The following HAUS4 variants were observed in gnomAD, a reference collection of about 807,000 sequenced individuals.
HAUS4 encodes the protein HAUS augmin like complex subunit 4.
HAUS4 carries 34 observed loss-of-function variants against 50.6 expected under a neutral mutation model. That is an observed-to-expected ratio of 0.67 (90% CI 0.51 to 0.90). HAUS4 has a LOEUF of 0.90. Ranked by LOEUF, HAUS4 falls within the 40% of genes least tolerant of loss-of-function variation. The probability of loss-of-function intolerance (pLI) is 0.00; values close to 1 mark genes in which losing one functional copy is unlikely to be tolerated. For missense variants in HAUS4, 370 were observed against 428.7 expected, an observed-to-expected ratio of 0.86 and a Z score of 1.21; for synonymous variants, 149 against 161.4, an observed-to-expected ratio of 0.92 and a Z score of 0.58.
At position 22,952,390 on chromosome 14, in the gene HAUS4, C is replaced by G; in HGVS notation, c.268G>C (p.Glu90Gln). The G allele has an allele frequency of 6.2e-7, 1 of 1,614,086 alleles. No homozygotes were observed. The highest frequency in any genetic ancestry group is 8.5e-7 in the Non-Finnish European group (1 of 1,179,928). Residue 90 changes from glutamate (E) to glutamine (Q), a missense_variant, in exon 4 of 10, where the codon GAG becomes CAG. Glu to Gln is a conservative substitution (Grantham distance 29). Coordinates refer to ENST00000541587, the MANE Select transcript of HAUS4 (RefSeq NM_001166269.2). ...TTCACATAGTAGTCCACAAGCAACT[C>G]TTGAATGACTCTGTGTAAAATCTCA... Reference protein sequence around the residue: ...RSEILHRVIQELLVDYYVKIQ... With the variant: ...RSEILHRVIQQLLVDYYVKIQ...
chr14:22,948,365 A>T (rs1009551325), intron 6 of HAUS4: 3 of 162,946 alleles, frequency 1.8e-5, no homozygotes, highest in Non-Finnish European at 2.6e-5. Flanking sequence ...TGAGAGGATC[A>T]CTTGAGCCCA....
In HAUS4 at chr14:22,947,153, A is replaced by ATTGCC; in HGVS notation, c.908+17_908+18insGGCAA. On this transcript the variant is annotated intron_variant, in intron 9 of 9. Transcript: ENST00000541587. Reference sequence around the variant, plus strand: ...AACCACCTGTGAACAGCTGTACCAGACTCTTAGGAGTTCTCACCTAATCAG... The same window carrying ATTGCC: ...AACCACCTGTGAACAGCTGTACCAGATTGCCCTCTTAGGAGTTCTCACCTAATCAG... The ATTGCC allele has an allele frequency of 6.8e-7, 1 of 1,473,114 alleles. No individual in the cohort carries two copies. The highest frequency in any genetic ancestry group is 9.5e-7 in the Non-Finnish European group (1 of 1,051,256). The allele number at this position is 1,473,114 out of a possible 1,614,324, so 91.3% of individuals were successfully genotyped here. A position where few individuals can be genotyped will look rare whatever the true frequency, so the allele number is the denominator to read the frequency against.
chr14:22,950,529 CAG>C, intron 5 of HAUS4, 119 bp from the exon 6 acceptor site: 2 of 588,352 alleles, frequency 3.4e-6, no homozygotes, highest in Non-Finnish European at 3.1e-6. Flanking sequence ...CAAGAGACAT[CAG>C]AGAGACTCAT....
chr14:22,952,272 G>T, intron 4 of HAUS4, 56 bp downstream of exon 4: 1 of 1,429,502 alleles, frequency 7.0e-7, no homozygotes, highest in Non-Finnish European at 9.8e-7. Context: ...CCTGCCTGGG[G>T]CTCCCAAAGT....
intron 2 of HAUS4, 71 bp from the exon 3 acceptor site, chr14:22,952,754 T>C: frequency 1.6e-6 from 2 of 1,269,576 alleles, no homozygotes; most frequent in South Asian, 3.4e-5. Context: ...TAACTGAGCA[T>C]AACTTAATAC....
chr14:22,955,970 T>C (rs1239879549), intron 1 of HAUS4, among the ~76,000 whole-genome samples: 1 of 152,160 alleles, frequency 6.6e-6, no homozygotes, highest in Non-Finnish European at 1.5e-5. Flanking sequence ...TCCCTTGACA[T>C]TACTTTTCAT....
In HAUS4 at chr14:22,952,675, T is replaced by C; in HGVS notation, c.64A>G (p.Lys22Glu). ...CTCAGGTTACAAGGAGGAAGTTGTTTGCTGCACACTTAACATCATGTCCCC... is the reference window on the plus strand; with the variant it reads ...CTCAGGTTACAAGGAGGAAGTTGTTCGCTGCACACTTAACATCATGTCCCC... Reference protein sequence around the residue: ...GMEILQQVCSKQLPPCNLSKE... With the variant: ...GMEILQQVCSEQLPPCNLSKE... Residue 22 changes from lysine to glutamate, a missense_variant, in exon 3 of 10, where the codon AAA becomes GAA. Coordinates refer to ENST00000541587, the MANE Select transcript of HAUS4 (RefSeq NM_001166269.2). 6.2e-7 allele frequency: 1 copy of C among 1,600,364 alleles called. No homozygotes were observed. The highest frequency in any genetic ancestry group is 8.5e-7 in the Non-Finnish European group (1 of 1,175,800).
At chr14:22,953,394 C>T (rs1411437549) in intron 2 of HAUS4, among the ~76,000 whole-genome samples, 1 of 152,078 alleles carries the variant, frequency 6.6e-6, no homozygotes, top group Non-Finnish European at 1.5e-5. Context: ...ACCTTGGCAT[C>T]TCAAAGTGCT....
chr14:22,953,954 G>T (rs965880308), intron 2 of HAUS4, among the ~76,000 whole-genome samples: 5 of 151,866 alleles, frequency 3.3e-5, no homozygotes, highest in Admixed American at 3.3e-4. Context: ...TTTTAGTAGG[G>T]ACGGGGTTTC....
At position 22,947,595 on chromosome 14, in the gene HAUS4, G is replaced by T; in HGVS notation, c.839+6C>A. On this transcript the variant is annotated splice_donor_region_variant and intron_variant, in intron 8 of 9. Coordinates refer to ENST00000541587, the MANE Select transcript of HAUS4 (RefSeq NM_001166269.2). ...TCCCTTAAGATCCACAGGGGTCACA[G>T]CTCACCTCAGCTTAAGGATCATAGC... The T allele has an allele frequency of 1.2e-6, 2 of 1,613,980 alleles. No homozygotes were observed. The highest frequency in any genetic ancestry group is 1.7e-6 in the Non-Finnish European group (2 of 1,179,918).
chr14:22,951,506 G>A (rs1184819078), intron 5 of HAUS4, 49 bp downstream of exon 5: 1 of 1,592,832 alleles, frequency 6.3e-7, no homozygotes, highest in East Asian at 2.2e-5. Flanking sequence ...AAAGATATGG[G>A]AGAAATTAAA....
rs7160294 is a variant in HAUS4 at position 22,951,987 on chromosome 14, T to C, written c.331-298A>G. ...AAGCCACAGTTGGCCTGGTCATTCCTGTAACTGGTAACCAACCCCACCTCA... is the reference window on the plus strand; with the variant it reads ...AAGCCACAGTTGGCCTGGTCATTCCCGTAACTGGTAACCAACCCCACCTCA... On this transcript the variant is annotated intron_variant, in intron 4 of 9. Transcript: ENST00000541587. Among the ~76,000 whole-genome samples the C allele has an allele frequency of 7.4e-4, 80 of 107,698 alleles. 1 individual carries two copies. The highest frequency in any genetic ancestry group is 2.4e-3 in the African/African-American group (75 of 30,934). 70.7% of individuals were successfully genotyped at this position (107,698 alleles called of 152,430 possible).
intron 8 of HAUS4, 96 bp downstream of exon 8, chr14:22,947,505 C>T (rs1420624589): frequency 7.4e-6 from 10 of 1,344,228 alleles, no homozygotes; most frequent in African/African-American, 2.9e-5. Context: ...ACCCACAAGG[C>T]GCTAGGATAA....
chr14:22,949,300 T>C (rs1235510905), intron 6 of HAUS4, among the ~76,000 whole-genome samples: 4 of 149,312 alleles, frequency 2.7e-5, no homozygotes, highest in Non-Finnish European at 6.0e-5. Context: ...GAGGCCAAGG[T>C]GGGTAGATCA....
intron 1 of HAUS4, 76 bp from the exon 2 acceptor site, chr14:22,955,252 C>T: frequency 1.1e-6 from 1 of 890,672 alleles, no homozygotes; most frequent in Non-Finnish European, 1.9e-6. Flanking sequence ...ACCTTATGTT[C>T]AAATTTCTGC....
At position 22,946,479 on chromosome 14, in the gene HAUS4, G is replaced by C. The variant is rs1210944520; in HGVS notation, c.*46C>G. ...GTGGTCCCACTAGCAGGAAGATTAGGAGGCAGCAGCTATGCAGAAGCCATG... is the reference window on the plus strand; with the variant it reads ...GTGGTCCCACTAGCAGGAAGATTAGCAGGCAGCAGCTATGCAGAAGCCATG... On this transcript the variant is annotated 3_prime_UTR_variant, in exon 10 of 10. Transcript: ENST00000541587. 1 of 1,486,942 alleles carries C rather than the reference G, an allele frequency of 6.7e-7. No homozygotes were observed. Among genetic ancestry groups the C allele is most frequent in the East Asian group, 2.3e-5 (1 of 43,662 alleles). 92.1% of individuals were successfully genotyped at this position (1,486,942 alleles called of 1,614,324 possible).
rs1269500446 is a variant in HAUS4 at position 22,952,665 on chromosome 14, G to A, written c.74C>T (p.Pro25Leu). Residue 25 changes from proline (P) to leucine (L), a missense_variant, in exon 3 of 10, where the codon CCT becomes CTT. Transcript: ENST00000541587. ...ILQQVCSKQLPPCNLSKEDLL... is the reference protein window; with the variant it reads ...ILQQVCSKQLLPCNLSKEDLL... ...GTCCTCTTTACTCAGGTTACAAGGA[G>A]GAAGTTGTTTGCTGCACACTTAACA... The A allele has an allele frequency of 6.2e-7, 1 of 1,603,838 alleles. No individual in the cohort carries two copies. The highest frequency in any genetic ancestry group is 1.8e-5 in the Admixed American group (1 of 56,760).
At chr14:22,949,954 C>G (rs1176515103) in intron 6 of HAUS4, among the ~76,000 whole-genome samples, 1 of 151,930 alleles carries the variant, frequency 6.6e-6, no homozygotes, top group Non-Finnish European at 1.5e-5. Context: ...CATGGAGAAA[C>G]CCCATCTCTA....
intron 2 of HAUS4, among the ~76,000 whole-genome samples, chr14:22,953,000 A>G (rs2139312582): frequency 6.6e-6 from 1 of 152,342 alleles, no homozygotes; most frequent in Non-Finnish European, 1.5e-5. Flanking sequence ...ACAATACACA[A>G]AATGCCTCAT....
Sources: gnomAD v4.1 joint callset for allele counts (sites outside exome capture counted in the v4.1 genomes callset) on GRCh38, gnomAD v4.1.1 for gene constraint, MANE v1.5 for transcripts, NCBI Gene and HGNC (gene_info 2026-07-23, HGNC 2026-07-21) for gene names.